Variants in CPED1 observed in about 807,000 individuals in gnomAD.
The protein encoded by CPED1 is cadherin-like and PC-esterase domain-containing protein 1.
In CPED1, 114 loss-of-function variants were observed where a neutral mutation model predicts 128.2. The observed-to-expected ratio is 0.89, with a 90% CI of 0.76 to 1.04. CPED1 has a LOEUF of 1.04. CPED1 is among the 50% of genes least tolerant of loss of function. The probability of loss-of-function intolerance (pLI) is 0.00; values close to 1 mark genes in which losing one functional copy is unlikely to be tolerated. For missense variants in CPED1, 1,211 were observed against 1,207.1 expected, an observed-to-expected ratio of 1.00 and a Z score of -0.05; for synonymous variants, 462 against 426.7, an observed-to-expected ratio of 1.08 and a Z score of -1.02.
chr7:121,017,324 C>A (rs1395417502), intron 3 of CPED1, among the ~76,000 whole-genome samples: 1 of 152,108 alleles, frequency 6.6e-6, no homozygotes, highest in Non-Finnish European at 1.5e-5. Context: ...TGAAAAGAAA[C>A]TTTGCAAACC....
chr7:121,286,067 G>C (rs1263156682), intron 22 of CPED1, among the ~76,000 whole-genome samples: 1 of 152,180 alleles, frequency 6.6e-6, no homozygotes, highest in Admixed American at 6.5e-5. Context: ...AACAATCATA[G>C]TGGAAAAGAA....
intron 5 of CPED1, among the ~76,000 whole-genome samples, chr7:121,088,228 T>A (rs560476624): frequency 1.1e-4 from 16 of 152,288 alleles, no homozygotes; most frequent in African/African-American, 3.6e-4. Flanking sequence ...GTCAAAACTC[T>A]AAAGCCTGGG....
chr7:121,097,632 T>C, intron 5 of CPED1, 67 bp from the exon 6 acceptor site: 1 of 1,577,576 alleles, frequency 6.3e-7, no homozygotes, highest in South Asian at 1.1e-5. Flanking sequence ...CAGCATACTC[T>C]ATTTTCAAAG....
At chr7:121,040,423 T>A (rs1793019213) in intron 3 of CPED1, among the ~76,000 whole-genome samples, 1 of 152,064 alleles carries the variant, frequency 6.6e-6, no homozygotes, top group South Asian at 2.1e-4. Flanking sequence ...ATCTCCTACA[T>A]GAAGAGTGCA....
At chr7:121,240,009 G>A (rs972834441) in intron 17 of CPED1, among the ~76,000 whole-genome samples, 7 of 152,118 alleles carry the variant, frequency 4.6e-5, no homozygotes, top group African/African-American at 1.2e-4. Flanking sequence ...CACCAGTTTT[G>A]CAGATGTTAT....
intron 4 of CPED1, among the ~76,000 whole-genome samples, chr7:121,052,628 G>C (rs1308576223): frequency 6.6e-6 from 1 of 152,190 alleles, no homozygotes; most frequent in Non-Finnish European, 1.5e-5. Flanking sequence ...GATGACAATG[G>C]AGAAGGTGAG....
rs1293342625 is a variant in CPED1 at position 121,217,925 on chromosome 7, G to C, written c.2056-18789G>C. 5.3e-5 allele frequency among the ~76,000 whole-genome samples: 8 copies of C among 151,530 alleles called. No homozygotes were observed. The East Asian group carries it at 5.9e-4, about 11-fold the overall frequency. On this transcript the variant is annotated intron_variant, in intron 16 of 22. Coordinates refer to ENST00000310396, the MANE Select transcript of CPED1 (RefSeq NM_024913.5). Reference sequence around the variant, plus strand: ...TGCCTGTGTAGATGTGTGCATATAGGTGTGTTTGTGTAGCAGTTACCAAAA... The same window carrying C: ...TGCCTGTGTAGATGTGTGCATATAGCTGTGTTTGTGTAGCAGTTACCAAAA...
At chr7:121,272,407 G>A (rs1032045207) in intron 22 of CPED1, among the ~76,000 whole-genome samples, 4 of 151,468 alleles carry the variant, frequency 2.6e-5, no homozygotes, top group Admixed American at 1.3e-4. Context: ...GTGATTTTAC[G>A]AATTGCCTTG....
At chr7:121,249,934 T>C (rs1344197033) in intron 18 of CPED1, among the ~76,000 whole-genome samples, 1 of 152,070 alleles carries the variant, frequency 6.6e-6, no homozygotes, top group African/African-American at 2.4e-5. Flanking sequence ...TTAACAAGGA[T>C]ATCCAGGAAT....
intron 16 of CPED1, among the ~76,000 whole-genome samples, chr7:121,191,123 A>G (rs1488418231): frequency 6.6e-6 from 1 of 152,176 alleles, no homozygotes; most frequent in East Asian, 1.9e-4. Context: ...CCAAAATATT[A>G]GAGGATAGGT....
intron 19 of CPED1, 30 bp from the exon 20 acceptor site, chr7:121,266,677 A>G (rs753885225): frequency 2.0e-5 from 31 of 1,537,804 alleles, no homozygotes; most frequent in Non-Finnish European, 2.8e-5. Context: ...TTTTAGGGCA[A>G]CATGTGTTGT....
At chr7:121,245,752 G>A (rs1251458305) in intron 18 of CPED1, among the ~76,000 whole-genome samples, 4 of 149,992 alleles carry the variant, frequency 2.7e-5, no homozygotes, top group Admixed American at 6.6e-5. Flanking sequence ...GTGCAATGGC[G>A]TGATCTCAGC....
chr7:121,013,173 A>G (rs1792206752), intron 2 of CPED1, among the ~76,000 whole-genome samples: 1 of 152,162 alleles, frequency 6.6e-6, no homozygotes, highest in Non-Finnish European at 1.5e-5. Flanking sequence ...CAGGCTACTC[A>G]GTTCCCTCTA....
intron 16 of CPED1, among the ~76,000 whole-genome samples, chr7:121,190,077 CATA>C (rs758150573): frequency 5.9e-5 from 9 of 151,516 alleles, no homozygotes; most frequent in Non-Finnish European, 7.4e-5. Flanking sequence ...TAATAGGCCA[CATA>C]ATGATAAGTG....
At chr7:121,029,745 G>A (rs1028665071) in intron 3 of CPED1, among the ~76,000 whole-genome samples, 9 of 152,026 alleles carry the variant, frequency 5.9e-5, no homozygotes, top group Non-Finnish European at 1.3e-4. Context: ...TGATAAAATC[G>A]ATTTTTATTT....
At chr7:121,220,781 A>G (rs1251025355) in intron 16 of CPED1, among the ~76,000 whole-genome samples, 1 of 151,992 alleles carries the variant, frequency 6.6e-6, no homozygotes, top group Non-Finnish European at 1.5e-5. Context: ...TCTATTCTTA[A>G]TCTTCTAAGA....
At chr7:121,260,223 G>GTTTTT (rs59370305) in intron 18 of CPED1, among the ~76,000 whole-genome samples, 13 of 69,976 alleles carry the variant, frequency 1.9e-4, no homozygotes, top group South Asian at 7.8e-4. Context: ...CTTGCTTCGC[G>GTTTTT]TTTTTTTTTT....
chr7:121,174,787 G>A (rs1279299577), intron 16 of CPED1, among the ~76,000 whole-genome samples: 1 of 151,926 alleles, frequency 6.6e-6, no homozygotes, highest in Admixed American at 6.6e-5. Context: ...TGATAGCAGC[G>A]GCATGGAGTC....
At chr7:121,047,906 C>T (rs1031579331) in intron 4 of CPED1, among the ~76,000 whole-genome samples, 2 of 151,900 alleles carry the variant, frequency 1.3e-5, no homozygotes, top group Non-Finnish European at 2.9e-5. Flanking sequence ...TGGGGTTTCA[C>T]CGTGTTAGCC....
Sources: gnomAD v4.1 joint callset for allele counts (sites outside exome capture counted in the v4.1 genomes callset) on GRCh38, gnomAD v4.1.1 for gene constraint, MANE v1.5 for transcripts, NCBI Gene and HGNC (gene_info 2026-07-23, HGNC 2026-07-21) for gene names.